LRRC3B: variants seen among roughly 807,000 people sequenced by gnomAD.
The protein encoded by LRRC3B is leucine rich repeat containing 3B, also known as leucine-rich repeat-containing protein 3B.
A neutral mutation model predicts 12.8 loss-of-function variants in LRRC3B; 2 were observed. The ratio of observed to expected loss-of-function variants is 0.16; its 90% confidence interval spans 0.06 to 0.49. The LOEUF (loss-of-function observed/expected upper bound fraction) is 0.49. Among genes scored for constraint, LRRC3B ranks in the 20% least tolerant of loss-of-function variants. The pLI is 0.96. For missense variants in LRRC3B, 189 were observed against 319.4 expected, an observed-to-expected ratio of 0.59 and a Z score of 3.11; for synonymous variants, 132 against 122.0, an observed-to-expected ratio of 1.08 and a Z score of -0.54.
At chr3:26,655,945 T>C (rs1177431451) in intron 1 of LRRC3B, among the ~76,000 whole-genome samples, 1 of 152,168 alleles carries the variant, frequency 6.6e-6, no homozygotes, top group Non-Finnish European at 1.5e-5. Context: ...AAAGGACTAG[T>C]CAAAATGGTC....
At chr3:26,696,488 G>C (rs1700321161) in intron 1 of LRRC3B, among the ~76,000 whole-genome samples, 1 of 152,136 alleles carries the variant, frequency 6.6e-6, no homozygotes, top group South Asian at 2.1e-4. Context: ...CTGTAAATTT[G>C]ATCAGACTCT....
At chr3:26,682,111 A>G (rs940944850) in intron 1 of LRRC3B, among the ~76,000 whole-genome samples, 1 of 152,184 alleles carries the variant, frequency 6.6e-6, no homozygotes, top group African/African-American at 2.4e-5. Flanking sequence ...ATGATACTGT[A>G]TCCACCTATC....
intron 1 of LRRC3B, among the ~76,000 whole-genome samples, chr3:26,643,758 G>A (rs1380166650): frequency 1.3e-5 from 2 of 152,204 alleles, no homozygotes; most frequent in Admixed American, 6.5e-5. Context: ...AGGATGCAGT[G>A]AGTCTGATGT....
chr3:26,695,750 T>C (rs1189844324), intron 1 of LRRC3B, among the ~76,000 whole-genome samples: 1 of 152,190 alleles, frequency 6.6e-6, no homozygotes, highest in African/African-American at 2.4e-5. Context: ...TAAATATATA[T>C]TTTTGACCAA....
At chr3:26,628,472 AT>A (rs1314899965) in intron 1 of LRRC3B, among the ~76,000 whole-genome samples, 11 of 148,982 alleles carry the variant, frequency 7.4e-5, no homozygotes, top group African/African-American at 2.7e-4. Context: ...CTTTACCCTT[AT>A]TGATTTTATT....
At chr3:26,629,549 T>A (rs1001811011) in intron 1 of LRRC3B, among the ~76,000 whole-genome samples, 1 of 152,214 alleles carries the variant, frequency 6.6e-6, no homozygotes, top group African/African-American at 2.4e-5. Flanking sequence ...TTCCCTATGC[T>A]GCACTGGGAA....
chr3:26,672,034 T>C (rs1156340041), intron 1 of LRRC3B, among the ~76,000 whole-genome samples: 1 of 152,218 alleles, frequency 6.6e-6, no homozygotes, highest in East Asian at 1.9e-4. Flanking sequence ...GACGTTTCAA[T>C]AACGTGTTCT....
At chr3:26,710,329 A>C (rs201908707) in exon 2 of LRRC3B, 96 of 1,613,870 alleles carry the variant, frequency 5.9e-5, no homozygotes, top group Non-Finnish European at 2.5e-5. Context: ...TGGTGATCTC[A>C]TATGTGGTAT....
intron 1 of LRRC3B, among the ~76,000 whole-genome samples, chr3:26,705,093 G>T (rs984215486): frequency 6.6e-6 from 1 of 152,176 alleles, no homozygotes; most frequent in East Asian, 1.9e-4. Context: ...ATTTAATGAT[G>T]AAAAGAAAGA....
intron 1 of LRRC3B, among the ~76,000 whole-genome samples, chr3:26,707,672 A>G (rs553851659): frequency 5.3e-4 from 80 of 152,270 alleles, no homozygotes; most frequent in South Asian, 3.9e-3. Context: ...CTTCAATTAC[A>G]TTAATTAATT....
intron 1 of LRRC3B, among the ~76,000 whole-genome samples, chr3:26,659,386 T>C (rs1251582488): frequency 1.3e-5 from 2 of 152,152 alleles, no homozygotes; most frequent in African/African-American, 4.8e-5. Context: ...TCCTTTCATC[T>C]CTCCAACCCA....
chr3:26,675,992 C>T (rs1699851226), intron 1 of LRRC3B, among the ~76,000 whole-genome samples: 1 of 149,368 alleles, frequency 6.7e-6, no homozygotes. Context: ...AATGGTTTCC[C>T]AATCTTTATT....
At chr3:26,678,799 A>G (rs577867629) in intron 1 of LRRC3B, among the ~76,000 whole-genome samples, 4 of 152,288 alleles carry the variant, frequency 2.6e-5, no homozygotes, top group African/African-American at 7.2e-5. Flanking sequence ...TTAGAGAATA[A>G]AGAGAGAATA....
chr3:26,623,692 G>A (rs1024998847), intron 1 of LRRC3B: 3 of 152,336 alleles, frequency 2.0e-5, no homozygotes, highest in African/African-American at 7.2e-5. Context: ...GGTAGGGACA[G>A]AGAAGGTGAA....
intron 1 of LRRC3B, among the ~76,000 whole-genome samples, chr3:26,695,475 T>C (rs375300675): frequency 6.6e-6 from 1 of 152,066 alleles, no homozygotes. Flanking sequence ...TGCAGTGAGC[T>C]GAGATCGCGC....
At chr3:26,681,835 A>G (rs1268259034) in intron 1 of LRRC3B, among the ~76,000 whole-genome samples, 2 of 152,140 alleles carry the variant, frequency 1.3e-5, no homozygotes, top group Non-Finnish European at 2.9e-5. Flanking sequence ...GTCATCACTT[A>G]CCCTTAGGGA....
chr3:26,667,362 C>T (rs893206977), intron 1 of LRRC3B, among the ~76,000 whole-genome samples: 1 of 152,056 alleles, frequency 6.6e-6, no homozygotes, highest in African/African-American at 2.4e-5. Context: ...GCTTTGGCTG[C>T]AAATACAGAG....
Position 26,641,685 on chromosome 3 carries a change from C to T in LRRC3B, c.-161+18448C>T, listed in dbSNP as rs559501933. On this transcript the variant is annotated intron_variant, in intron 1 of 1. Transcript: ENST00000396641. The stretch of plus-strand genomic sequence containing the variant: ...ACAGTGGTAAAGCAGCAATGATGAC[C>T]TTGAGGAGTTTTATCCTCTGTATAT... Among the ~76,000 whole-genome samples the T allele has an allele frequency of 3.9e-5, 6 of 152,114 alleles. No individual in the cohort carries two copies. In the South Asian group the frequency reaches 1.0e-3, roughly 26 times the overall value.
intron 1 of LRRC3B, among the ~76,000 whole-genome samples, chr3:26,637,695 G>A (rs938368298): frequency 1.3e-5 from 2 of 152,156 alleles, no homozygotes; most frequent in Non-Finnish European, 2.9e-5. Flanking sequence ...GCAGTCTGGT[G>A]AAACCTATGT....
Sources: gnomAD v4.1 joint callset for allele counts (sites outside exome capture counted in the v4.1 genomes callset) on GRCh38, gnomAD v4.1.1 for gene constraint, MANE v1.5 for transcripts, NCBI Gene and HGNC (gene_info 2026-07-23, HGNC 2026-07-21) for gene names.